Variants in CUL4A observed in about 807,000 individuals in gnomAD.
CUL4A encodes cullin-4A.
Under a neutral mutation model 95.5 loss-of-function variants are expected in CUL4A, and 16 were observed. The ratio of observed to expected loss-of-function variants is 0.17; its 90% confidence interval spans 0.11 to 0.25. The LOEUF is 0.25. Among genes scored for constraint, CUL4A ranks in the 10% least tolerant of loss-of-function variants. The probability of loss-of-function intolerance (pLI) is 1.00; values close to 1 mark genes in which losing one functional copy is unlikely to be tolerated. For missense variants in CUL4A, 610 were observed against 937.0 expected (o/e 0.65, Z 4.56); for synonymous variants, 380 against 353.1 (o/e 1.08, Z -0.85).
chr13:113,255,247 T>C, intron 18 of CUL4A, 122 bp downstream of exon 18: 1 of 674,718 alleles, frequency 1.5e-6, no homozygotes, highest in Non-Finnish European at 2.5e-6. Flanking sequence ...AATTTCACTA[T>C]GTAATGTTTA....
chr13:113,237,584 A>C (rs2041587860), intron 9 of CUL4A, among the ~76,000 whole-genome samples: 1 of 152,138 alleles, frequency 6.6e-6, no homozygotes, highest in East Asian at 1.9e-4. Context: ...TGAAAATTAC[A>C]ATGAGCAGTC....
At chr13:113,221,601 T>C (rs2040900417) in intron 3 of CUL4A, among the ~76,000 whole-genome samples, 1 of 152,164 alleles carries the variant, frequency 6.6e-6, no homozygotes, top group Non-Finnish European at 1.5e-5. Context: ...TTTTGTGAGA[T>C]GGAGTCTTGC....
At chr13:113,255,617 T>C (rs1345596991) in intron 18 of CUL4A, among the ~76,000 whole-genome samples, 1 of 152,198 alleles carries the variant, frequency 6.6e-6, no homozygotes. Flanking sequence ...ACTGTCACCA[T>C]AGTTTTGCCC....
At chr13:113,208,478 C>G, upstream of CUL4A, 2 of 1,535,812 alleles carry the variant, frequency 1.3e-6, no homozygotes, top group Middle Eastern at 1.8e-4. Flanking sequence ...GCCGGGGACC[C>G]GAACGGAAGA....
chr13:113,214,892 A>T (rs1201272713), intron 2 of CUL4A, among the ~76,000 whole-genome samples: 2 of 151,848 alleles, frequency 1.3e-5, no homozygotes, highest in African/African-American at 4.8e-5. Context: ...GGAGGTAGCT[A>T]TGTGACTATG....
upstream of CUL4A, chr13:113,208,479 G>T: frequency 6.5e-7 from 1 of 1,536,266 alleles, no homozygotes; most frequent in South Asian, 1.2e-5. Context: ...CCGGGGACCC[G>T]AACGGAAGAA....
chr13:113,243,248 C>T, intron 11 of CUL4A, 88 bp downstream of exon 11: 1 of 1,202,018 alleles, frequency 8.3e-7, no homozygotes, highest in Non-Finnish European at 1.2e-6. Flanking sequence ...GAAAATAAGG[C>T]AAAATCAACC....
rs562034120 is a variant in CUL4A, at chr13:113,259,397, C to T, written c.2032-1210C>T. On this transcript the variant is annotated intron_variant, in intron 18 of 19. Transcript: ENST00000375440. The stretch of plus-strand genomic sequence containing the variant: ...TACTTGCCTCATATGTATGCACAGA[C>T]CTTCCCCCAGCCCTCATTTCAACTG... Among the ~76,000 whole-genome samples, 4 of 152,336 alleles carry T rather than the reference C, an allele frequency of 2.6e-5. No homozygotes were observed. The East Asian group carries it at 5.8e-4, about 22-fold the overall frequency.
upstream of CUL4A, chr13:113,208,258 G>C (rs1004678359): frequency 7.6e-6 from 11 of 1,446,342 alleles, no homozygotes; most frequent in African/African-American, 1.4e-4. Flanking sequence ...GCGGGCCCTC[G>C]GCGTGGCCCG....
At chr13:113,224,903 GCGGTCTGTC>G (rs981067999) in intron 3 of CUL4A, among the ~76,000 whole-genome samples, 19 of 152,312 alleles carry the variant, frequency 1.2e-4, no homozygotes, top group African/African-American at 4.1e-4. Context: ...CTGTCCCCTC[GCGGTCTGTC>G]CGGTCTGTCG....
chr13:113,243,090 C>G lies in CUL4A; in HGVS notation c.1158C>G (p.Phe386Leu), dbSNP rs778044677. The G allele has an allele frequency of 6.2e-7, 1 of 1,614,124 alleles. No homozygotes were observed. Among genetic ancestry groups the G allele is most frequent in the Non-Finnish European group, 8.5e-7 (1 of 1,180,008 alleles). Reference protein sequence around the residue: ...IEVCFQKNERFVNLMKESFET... With the variant: ...IEVCFQKNERLVNLMKESFET... ...TCTGCTTCCAGAAGAATGAGCGGTT[C>G]GTCAACCTGATGAAGGAGTCCTTTG... The change falls in exon 11 of 20, where the codon TTC (phenylalanine) becomes TTG (leucine). Residue 386 changes from phenylalanine (F) to leucine (L), a missense_variant. By Grantham distance (22) the Phe-to-Leu change is conservative. Transcript: ENST00000375440.
intron 2 of CUL4A, among the ~76,000 whole-genome samples, chr13:113,217,542 G>A (rs1423825183): frequency 2.6e-5 from 4 of 152,014 alleles, no homozygotes; most frequent in African/African-American, 7.3e-5. Context: ...TATTTTATAT[G>A]GTAGTAATCA....
chr13:113,242,061 A>T (rs755704455), intron 10 of CUL4A, among the ~76,000 whole-genome samples: 1 of 151,652 alleles, frequency 6.6e-6, no homozygotes, highest in Non-Finnish European at 1.5e-5. Flanking sequence ...TCACGCTTGT[A>T]ATCCCACCAC....
At chr13:113,250,960 C>T (rs1280448443) in intron 15 of CUL4A, among the ~76,000 whole-genome samples, 1 of 152,038 alleles carries the variant, frequency 6.6e-6, no homozygotes, top group Non-Finnish European at 1.5e-5. Flanking sequence ...AGGAGATTGC[C>T]AAGCAGATGT....
intron 3 of CUL4A, 192 bp downstream of exon 3, chr13:113,219,240 C>T (rs1020018315): frequency 1.0e-5 from 5 of 476,938 alleles, no homozygotes; most frequent in Admixed American, 3.9e-5. Flanking sequence ...AAAGGGAAAC[C>T]GTGTTCATTT....
chr13:113,208,769 G>A (rs1238093805), upstream of CUL4A: 8 of 1,436,304 alleles, frequency 5.6e-6, no homozygotes, highest in East Asian at 1.9e-4. Context: ...TCCGGAGGGA[G>A]AACCTGGGGA....
At position 113,266,609 on chromosome 13, in the gene CUL4A, G is replaced by A. The variant is rs1419939177; in HGVS notation, c.*3027G>A. 6.6e-6 allele frequency: 1 copy of A among 152,150 alleles called. No individual in the cohort carries two copies. The highest frequency in any genetic ancestry group is 6.6e-5 in the Admixed American group (1 of 15,266). The allele number at this position is 152,150 out of a possible 1,614,324, so 9.4% of individuals were successfully genotyped here. On this transcript the variant is annotated 3_prime_UTR_variant, in exon 20 of 20. Transcript: ENST00000375440. ...TTGTAATTGAAACAGCATGATGCTG[G>A]CCCTTTAAAAAGATTCCTGGAACAA...
rs1219997091 is a variant in CUL4A at position 113,244,362 on chromosome 13, GCT to G, written c.1229-43_1229-42del. On this transcript the variant is annotated intron_variant, in intron 11 of 19. Transcript: ENST00000375440. The stretch of plus-strand genomic sequence containing the variant: ...AATGTTGCTAATAGAAATTGAAGAT[GCT>G]CTCTTTTTCTAGTTTAGAGTATTTA... 3 of 1,328,400 alleles carry G rather than the reference GCT, an allele frequency of 2.3e-6. No individual in the cohort carries two copies. The Admixed American group carries it at 5.8e-5, about 26-fold the overall frequency. 82.3% of individuals were successfully genotyped at this position (1,328,400 alleles called of 1,614,324 possible).
At chr13:113,223,903 T>C (rs1294891071) in intron 3 of CUL4A, among the ~76,000 whole-genome samples, 2 of 152,224 alleles carry the variant, frequency 1.3e-5, no homozygotes, top group Non-Finnish European at 2.9e-5. Flanking sequence ...AATAGATAGC[T>C]GCTCTTGGTG....
Sources: allele counts gnomAD v4.1 joint callset (sites outside exome capture counted in the v4.1 genomes callset), GRCh38; gene constraint gnomAD v4.1.1; transcripts MANE v1.5; gene names NCBI Gene and HGNC (gene_info 2026-07-23, HGNC 2026-07-21).